The following C8orf34 variants were observed in gnomAD, a reference collection of about 807,000 sequenced individuals.
C8orf34 encodes uncharacterized protein C8orf34.
A neutral mutation model predicts 68.3 loss-of-function variants in C8orf34; 65 were observed. The observed-to-expected ratio is 0.95, with a 90% CI of 0.78 to 1.17. C8orf34 has a LOEUF of 1.17. Among genes scored for constraint, C8orf34 ranks in the 50% most tolerant of loss-of-function variants. The pLI is 0.00. For synonymous variants in C8orf34, 244 were observed against 241.2 expected, an observed-to-expected ratio of 1.01 and a Z score of -0.11; for missense variants, 664 against 655.4, an observed-to-expected ratio of 1.01 and a Z score of -0.14.
chr8:68,381,512 C>T (rs1295037806), intron 1 of C8orf34, among the ~76,000 whole-genome samples: 1 of 150,786 alleles, frequency 6.6e-6, no homozygotes, highest in African/African-American at 2.4e-5. Flanking sequence ...GCGGGTGGAT[C>T]ATGAGGTCAG....
chr8:68,526,039 G>A, intron 6 of C8orf34: 1 of 174,748 alleles, frequency 5.7e-6, no homozygotes, highest in Non-Finnish European at 1.1e-5. Context: ...GCTCACTGCA[G>A]ACTCTCCCTC....
At chr8:68,747,244 A>G (rs1257142431) in intron 10 of C8orf34, among the ~76,000 whole-genome samples, 1 of 151,680 alleles carries the variant, frequency 6.6e-6, no homozygotes, top group East Asian at 1.9e-4. Context: ...TCAAAATAAT[A>G]AGAGCTATCT....
chr8:68,799,556 C>T (rs1824271142), intron 12 of C8orf34, among the ~76,000 whole-genome samples: 1 of 152,088 alleles, frequency 6.6e-6, no homozygotes, highest in Non-Finnish European at 1.5e-5. Context: ...ATTTTTATCC[C>T]AAACCAGGAA....
intron 1 of C8orf34, among the ~76,000 whole-genome samples, chr8:68,405,201 C>T (rs2129621518): frequency 6.6e-6 from 1 of 152,124 alleles, no homozygotes; most frequent in Admixed American, 6.6e-5. Flanking sequence ...TCAATGTTAG[C>T]TTAGATTTAG....
chr8:68,784,712 A>C (rs1200613197), intron 11 of C8orf34, among the ~76,000 whole-genome samples: 1 of 151,936 alleles, frequency 6.6e-6, no homozygotes, highest in African/African-American at 2.4e-5. Flanking sequence ...GTGTTTTGTT[A>C]CTCAAATTGT....
At chr8:68,597,949 G>T (rs1369760715) in intron 7 of C8orf34, among the ~76,000 whole-genome samples, 1 of 152,048 alleles carries the variant, frequency 6.6e-6, no homozygotes, top group East Asian at 1.9e-4. Context: ...TTTGAATTGT[G>T]ACCTTGTTTT....
Position 68,634,978 on chromosome 8 carries a change from C to T in C8orf34, c.1106-5398C>T, listed in dbSNP as rs554090273. Among the ~76,000 whole-genome samples, 3 of 152,208 alleles carry T rather than the reference C, an allele frequency of 2.0e-5. No individual in the cohort carries two copies. The South Asian group carries it at 6.2e-4, about 32-fold the overall frequency. Reference sequence around the variant, plus strand: ...GAACCAGCAAATGAATTCCAGAAGGCTTCTGACTCTAGGGTTCTCTGTTCT... The same window carrying T: ...GAACCAGCAAATGAATTCCAGAAGGTTTCTGACTCTAGGGTTCTCTGTTCT... On this transcript the variant is annotated intron_variant, in intron 7 of 13. Coordinates refer to ENST00000518698, the MANE Select transcript of C8orf34 (RefSeq NM_052958.4).
chr8:68,627,041 G>A (rs887766208), intron 7 of C8orf34, among the ~76,000 whole-genome samples: 3 of 151,672 alleles, frequency 2.0e-5, no homozygotes. Flanking sequence ...ATGAGCTTTT[G>A]CAAGATTTTG....
In C8orf34 at chr8:68,331,780, CTTCTTTTTTTTTTTTT is replaced by C. The variant is rs1199595246; in HGVS notation, c.327+444_327+459del. Among the ~76,000 whole-genome samples the C allele has an allele frequency of 4.2e-4, 14 of 33,574 alleles. 1 individual carries two copies. The highest frequency in any genetic ancestry group is 1.6e-3 in the African/African-American group (14 of 8,736). The allele number at this position is 33,574 out of a possible 152,430, so 22.0% of individuals were successfully genotyped here. ...TTTCTTTTTTCTTTTCTTTTCTTTC[CTTCTTTTTTTTTTTTT>C]TTTTTTTTTTTTTTTTAATGAGGGC... is the stretch of plus-strand genomic sequence containing the variant. On this transcript the variant is annotated intron_variant, in intron 1 of 13. Coordinates refer to ENST00000518698, the MANE Select transcript of C8orf34 (RefSeq NM_052958.4).
At chr8:68,439,025 G>C (rs1331420544) in intron 1 of C8orf34, 1 of 152,112 alleles carries the variant, frequency 6.6e-6, no homozygotes, top group African/African-American at 2.4e-5. Flanking sequence ...CTTATTACTT[G>C]TTCCTTTAAT....
intron 4 of C8orf34, among the ~76,000 whole-genome samples, chr8:68,486,083 A>G (rs1366875499): frequency 6.6e-6 from 1 of 152,208 alleles, no homozygotes; most frequent in Non-Finnish European, 1.5e-5. Flanking sequence ...TTAGTATCCC[A>G]TAAATGTCCT....
chr8:68,637,056 C>T (rs112585842), intron 7 of C8orf34, among the ~76,000 whole-genome samples: 1 of 152,274 alleles, frequency 6.6e-6, no homozygotes, highest in African/African-American at 2.4e-5. Context: ...GACTTTTCTA[C>T]CTTACCTGTT....
At position 68,602,762 on chromosome 8, in the gene C8orf34, TG is replaced by T. The variant is rs367752628; in HGVS notation, c.1106-37612del. Among the ~76,000 whole-genome samples the T allele has an allele frequency of 4.8e-3, 730 of 152,184 alleles. 10 individuals carry two copies. Among genetic ancestry groups the T allele is most frequent in the African/African-American group, 0.016 (681 of 41,524 alleles). On this transcript the variant is annotated intron_variant, in intron 7 of 13. Coordinates refer to ENST00000518698, the MANE Select transcript of C8orf34 (RefSeq NM_052958.4). Reference sequence around the variant, plus strand: ...TCGTACTAGATCGTTGACATCACTCTGGTGCTGAATGGGAAATGGAAGACCA... The same window carrying T: ...TCGTACTAGATCGTTGACATCACTCTGTGCTGAATGGGAAATGGAAGACCA...
At chr8:68,458,449 T>TG (rs1554553982) in intron 3 of C8orf34, among the ~76,000 whole-genome samples, 1 of 151,752 alleles carries the variant, frequency 6.6e-6, no homozygotes, top group Non-Finnish European at 1.5e-5. Flanking sequence ...GACTAGAATT[T>TG]AAAAAAAACC....
chr8:68,632,647 G>T (rs1364972969), intron 7 of C8orf34, among the ~76,000 whole-genome samples: 5 of 152,206 alleles, frequency 3.3e-5, no homozygotes, highest in Non-Finnish European at 7.4e-5. Flanking sequence ...GCCTAGTAGG[G>T]AAAAATGGTT....
intron 10 of C8orf34, among the ~76,000 whole-genome samples, chr8:68,733,414 G>A (rs1239241461): frequency 6.6e-6 from 1 of 152,162 alleles, no homozygotes; most frequent in Non-Finnish European, 1.5e-5. Context: ...GCAATGGAGA[G>A]TTAGCCTCCA....
chr8:68,772,485 G>T (rs751643642), intron 10 of C8orf34, among the ~76,000 whole-genome samples: 1 of 152,120 alleles, frequency 6.6e-6, no homozygotes, highest in Non-Finnish European at 1.5e-5. Flanking sequence ...CTTCATCTCT[G>T]ACAGGCATAG....
intron 7 of C8orf34, among the ~76,000 whole-genome samples, chr8:68,624,704 G>A (rs1000568281): frequency 2.3e-4 from 10 of 43,304 alleles, no homozygotes; most frequent in Middle Eastern, 0.017. Flanking sequence ...ATACAGCAGC[G>A]AATATAGACA....
chr8:68,798,885 C>T (rs1019802564), intron 12 of C8orf34, among the ~76,000 whole-genome samples: 1 of 152,170 alleles, frequency 6.6e-6, no homozygotes, highest in African/African-American at 2.4e-5. Context: ...AATCTCACCA[C>T]ATAAAGTATT....
Sources: allele counts gnomAD v4.1 joint callset (sites outside exome capture counted in the v4.1 genomes callset), GRCh38; gene constraint gnomAD v4.1.1; transcripts MANE v1.5; gene names NCBI Gene and HGNC (gene_info 2026-07-23, HGNC 2026-07-21).